BAIAP2L1: variants seen among roughly 807,000 people sequenced by gnomAD.
BAIAP2L1 encodes BAR/IMD domain-containing adapter protein 2-like 1.
BAIAP2L1 carries 35 observed loss-of-function variants against 66.3 expected under a neutral mutation model. The observed-to-expected ratio is 0.53, with a 90% CI of 0.40 to 0.70. BAIAP2L1 has a LOEUF of 0.70. Ranked by LOEUF, BAIAP2L1 falls within the 30% of genes least tolerant of loss-of-function variation. The probability of loss-of-function intolerance (pLI) is 0.00; values close to 1 mark genes in which losing one functional copy is unlikely to be tolerated. For missense variants in BAIAP2L1, 622 were observed against 656.9 expected (o/e 0.95, Z 0.58); for synonymous variants, 269 against 248.7 (o/e 1.08, Z -0.77).
chr7:98,332,291 G>A (rs6465671), intron 3 of BAIAP2L1, among the ~76,000 whole-genome samples: 60,162 of 143,936 alleles, frequency 0.42, 13,079 homozygotes, highest in Middle Eastern at 0.58. Context: ...GCTGAGGCAG[G>A]AGAATTGCTT....
At chr7:98,386,231 T>C (rs993197969) in intron 1 of BAIAP2L1, 7 of 1,553,232 alleles carry the variant, frequency 4.5e-6, no homozygotes, top group Admixed American at 3.3e-5. Context: ...GCTTCAATCA[T>C]TGTCTGCCAT....
Position 98,377,547 on chromosome 7 carries a change from G to T in BAIAP2L1, c.52-15115C>A, listed in dbSNP as rs148840525. ...AAGTACCATACACTAGGCCAGGCCC[G>T]GTGGCTCACGCCTGTAATCCCAGCA... On this transcript the variant is annotated intron_variant, in intron 1 of 13. Coordinates refer to ENST00000005260, the MANE Select transcript of BAIAP2L1 (RefSeq NM_018842.5). 4.2e-3 allele frequency among the ~76,000 whole-genome samples: 646 copies of T among 152,268 alleles called. 3 individuals are homozygous for T. The highest frequency in any genetic ancestry group is 0.01 in the Middle Eastern group (3 of 294).
chr7:98,392,805 TTC>T (rs1194399734), intron 1 of BAIAP2L1, among the ~76,000 whole-genome samples: 1 of 152,054 alleles, frequency 6.6e-6, no homozygotes, highest in African/African-American at 2.4e-5. Flanking sequence ...ACACTTCTTG[TTC>T]TTTTTGAGAC....
rs1554340858 is a variant in BAIAP2L1 at position 98,385,750 on chromosome 7, T to TTC, written c.51+15051_51+15052insGA. 24 of 1,398,434 alleles carry TTC rather than the reference T, an allele frequency of 1.7e-5. No homozygotes were observed. The African/African-American group carries it at 3.1e-4, about 18-fold the overall frequency. 86.6% of individuals were successfully genotyped at this position (1,398,434 alleles called of 1,614,324 possible). A position where few individuals can be genotyped will look rare whatever the true frequency, so the allele number is the denominator to read the frequency against. On this transcript the variant is annotated intron_variant, in intron 1 of 13. Transcript: ENST00000005260. Reference sequence around the variant, plus strand: ...TTTCTTTTTTTTGTTGTTTTTTTTTTCACAAATAGCACTCTTTATTTGCCA... The same window carrying TTC: ...TTTCTTTTTTTTGTTGTTTTTTTTTTTCCACAAATAGCACTCTTTATTTGCCA...
chr7:98,361,392 A>C (rs1802268745), intron 2 of BAIAP2L1, among the ~76,000 whole-genome samples: 2 of 151,692 alleles, frequency 1.3e-5, no homozygotes, highest in South Asian at 4.2e-4. Context: ...GAAAGAAGAG[A>C]TAAGAAGATG....
chr7:98,358,998 A>T (rs967952023), intron 2 of BAIAP2L1, among the ~76,000 whole-genome samples: 1 of 152,102 alleles, frequency 6.6e-6, no homozygotes, highest in Admixed American at 6.5e-5. Context: ...TTATACTCTT[A>T]GGACACCACT....
chr7:98,294,200 C>T, intron 12 of BAIAP2L1, 89 bp from the exon 13 acceptor site: 1 of 1,434,274 alleles, frequency 7.0e-7, no homozygotes, highest in Non-Finnish European at 9.7e-7. Flanking sequence ...GCTATGTTGC[C>T]CAGGCTGGTT....
At chr7:98,334,786 T>G (rs1014941058) in intron 3 of BAIAP2L1, among the ~76,000 whole-genome samples, 3 of 151,372 alleles carry the variant, frequency 2.0e-5, no homozygotes, top group Admixed American at 1.3e-4. Context: ...CCTCAGGTGA[T>G]CCGCCCGCCT....
chr7:98,353,608 G>A (rs1194867286), intron 3 of BAIAP2L1, among the ~76,000 whole-genome samples: 1 of 133,644 alleles, frequency 7.5e-6, no homozygotes, highest in South Asian at 2.2e-4. Flanking sequence ...TATATTATAT[G>A]TATATTTATA....
Position 98,315,447 on chromosome 7 carries a change from C to T in BAIAP2L1, c.639+13G>A. The T allele has an allele frequency of 1.4e-6, 2 of 1,405,220 alleles. No individual in the cohort carries two copies. Among genetic ancestry groups the T allele is most frequent in the East Asian group, 2.7e-5 (1 of 37,416 alleles). The allele number at this position is 1,405,220 out of a possible 1,614,324, so 87.0% of individuals were successfully genotyped here. Reference sequence around the variant, plus strand: ...TTATTAATACGCTCAAGGCAATTTGCCACCACACCCACCTGTAAGTGATAA... The same window carrying T: ...TTATTAATACGCTCAAGGCAATTTGTCACCACACCCACCTGTAAGTGATAA... On this transcript the variant is annotated intron_variant, in intron 7 of 13. Coordinates refer to ENST00000005260, the MANE Select transcript of BAIAP2L1 (RefSeq NM_018842.5).
chr7:98,326,691 C>T (rs1801387170), intron 3 of BAIAP2L1, among the ~76,000 whole-genome samples: 1 of 152,106 alleles, frequency 6.6e-6, no homozygotes, highest in Admixed American at 6.5e-5. Context: ...TAGAGTTGCA[C>T]AGTGCCAATC....
intron 2 of BAIAP2L1, among the ~76,000 whole-genome samples, chr7:98,361,340 G>A (rs1802266713): frequency 6.6e-6 from 1 of 151,162 alleles, no homozygotes; most frequent in South Asian, 2.1e-4. Flanking sequence ...CTGGGCGACA[G>A]AGCAAGACTC....
intron 3 of BAIAP2L1, among the ~76,000 whole-genome samples, chr7:98,349,434 T>C (rs944598061): frequency 4.6e-5 from 7 of 152,168 alleles, no homozygotes; most frequent in Non-Finnish European, 7.3e-5. Flanking sequence ...GCCTCTGTGA[T>C]TTCCACTATC....
At position 98,321,977 on chromosome 7, in the gene BAIAP2L1, T is replaced by C. The variant is rs574876293; in HGVS notation, c.215-1679A>G. 2.0e-4 allele frequency among the ~76,000 whole-genome samples: 30 copies of C among 152,146 alleles called. No individual in the cohort carries two copies. The Middle Eastern group carries it at 0.01, about 52-fold the overall frequency. ...TGGGCATGATGGCACGTGCCTGTAATCCCAGCTACTTGGGAGGCTGAGGTG... is the reference window on the plus strand; with the variant it reads ...TGGGCATGATGGCACGTGCCTGTAACCCCAGCTACTTGGGAGGCTGAGGTG... On this transcript the variant is annotated intron_variant, in intron 3 of 13. Transcript: ENST00000005260.
At chr7:98,298,449 A>G (rs1398058237) in intron 12 of BAIAP2L1, among the ~76,000 whole-genome samples, 1 of 152,152 alleles carries the variant, frequency 6.6e-6, no homozygotes, top group Non-Finnish European at 1.5e-5. Flanking sequence ...CATCTCTAAT[A>G]AAAATACAAA....
intron 2 of BAIAP2L1, among the ~76,000 whole-genome samples, chr7:98,357,460 G>A (rs1017757573): frequency 2.0e-5 from 3 of 150,864 alleles, no homozygotes; most frequent in East Asian, 2.0e-4. Context: ...CCAGCTATTC[G>A]GGAGGCTGAG....
At chr7:98,348,569 C>CAAAAAA (rs752966671) in intron 3 of BAIAP2L1, among the ~76,000 whole-genome samples, 1 of 109,850 alleles carries the variant, frequency 9.1e-6, no homozygotes, top group African/African-American at 3.9e-5. Flanking sequence ...TCTGCCTCCA[C>CAAAAAA]AAAAAAAAAA....
At chr7:98,326,867 C>T (rs1234529945) in intron 3 of BAIAP2L1, among the ~76,000 whole-genome samples, 2 of 146,160 alleles carry the variant, frequency 1.4e-5, no homozygotes, top group African/African-American at 5.0e-5. Flanking sequence ...GCTTACTAGT[C>T]GTGACAAAAA....
intron 11 of BAIAP2L1, 37 bp from the exon 12 acceptor site, chr7:98,304,413 T>C: frequency 6.2e-7 from 1 of 1,607,110 alleles, no homozygotes; most frequent in South Asian, 1.1e-5. Context: ...TGTTAGATAA[T>C]GTCTCACCAC....
Sources: allele counts gnomAD v4.1 joint callset (sites outside exome capture counted in the v4.1 genomes callset), GRCh38; gene constraint gnomAD v4.1.1; transcripts MANE v1.5; gene names NCBI Gene and HGNC (gene_info 2026-07-23, HGNC 2026-07-21).